Variants in SEZ6 observed in about 807,000 individuals in gnomAD.
The protein encoded by SEZ6 is seizure protein 6 homolog.
SEZ6 carries 53 observed loss-of-function variants against 101.0 expected under a neutral mutation model. That is an observed-to-expected ratio of 0.52 (90% confidence interval 0.42 to 0.66). The LOEUF (loss-of-function observed/expected upper bound fraction) is 0.66. Among genes scored for constraint, SEZ6 ranks in the 30% least tolerant of loss-of-function variants. SEZ6 has a pLI of 0.00. For synonymous variants in SEZ6, 488 were observed against 512.2 expected, an observed-to-expected ratio of 0.95 and a Z score of 0.64; for missense variants, 1,102 against 1,289.4, an observed-to-expected ratio of 0.85 and a Z score of 2.23.
intron 1 of SEZ6, among the ~76,000 whole-genome samples, chr17:28,989,391 G>A (rs998132620): frequency 1.3e-5 from 2 of 152,192 alleles, no homozygotes; most frequent in Non-Finnish European, 2.9e-5. Flanking sequence ...TTTTGTAGAT[G>A]AGGACACTGA....
At chr17:28,970,554 G>T (rs961932408) in intron 3 of SEZ6, among the ~76,000 whole-genome samples, 1 of 152,112 alleles carries the variant, frequency 6.6e-6, no homozygotes, top group African/African-American at 2.4e-5. Context: ...CAGTCATTCA[G>T]TCCTGTCAAC....
Position 29,005,797 on chromosome 17 carries a change from G to T in SEZ6, c.55+18C>A. ...CGCTCCCGCCCCCGTCCTGCCGCCG[G>T]ATGCCGGGGTCCCTTACCGTGAGCC... On this transcript the variant is annotated intron_variant, in intron 1 of 16. Coordinates refer to ENST00000317338, the MANE Select transcript of SEZ6 (RefSeq NM_178860.5). The surrounding 1 kb of genome is among the most constrained non-coding windows in gnomAD (Gnocchi z 4.8). 1 of 1,482,460 alleles carries T rather than the reference G, an allele frequency of 6.7e-7. No individual in the cohort carries two copies. The allele number at this position is 1,482,460 out of a possible 1,614,324, so 91.8% of individuals were successfully genotyped here. A position where few individuals can be genotyped will look rare whatever the true frequency, so the allele number is the denominator to read the frequency against.
intron 1 of SEZ6, among the ~76,000 whole-genome samples, chr17:28,993,006 C>A: frequency 6.6e-6 from 1 of 152,088 alleles, no homozygotes; most frequent in African/African-American, 2.4e-5. Flanking sequence ...GGGCAGGTGG[C>A]ACTGGAGCTG....
chr17:28,970,040 C>T (rs1052119176), intron 3 of SEZ6, 88 bp from the exon 4 acceptor site: 44 of 1,253,068 alleles, frequency 3.5e-5, no homozygotes, highest in South Asian at 8.0e-5. Context: ...CTGCAGGCCC[C>T]GGGCAGATCA....
chr17:28,960,450 G>A (rs1385330384), intron 7 of SEZ6, 55 bp downstream of exon 7: 2 of 1,550,414 alleles, frequency 1.3e-6, no homozygotes, highest in African/African-American at 1.4e-5. Flanking sequence ...AAGACCCTAG[G>A]CCCGAGCCCA....
chr17:28,983,013 C>G (rs1257510827), intron 1 of SEZ6, among the ~76,000 whole-genome samples: 1 of 152,210 alleles, frequency 6.6e-6, no homozygotes, highest in Non-Finnish European at 1.5e-5. Flanking sequence ...TCTCTCCGTT[C>G]TCAGGAAATC....
intron 4 of SEZ6, among the ~76,000 whole-genome samples, chr17:28,967,271 T>C (rs914277551): frequency 6.6e-6 from 1 of 152,190 alleles, no homozygotes; most frequent in African/African-American, 2.4e-5. Context: ...TACAATATGC[T>C]TGGGAGAAAG....
chr17:28,965,380 A>G (rs955647749), intron 4 of SEZ6, among the ~76,000 whole-genome samples: 2 of 151,912 alleles, frequency 1.3e-5, no homozygotes, highest in African/African-American at 4.8e-5. Context: ...AACAAACAAA[A>G]TCCAGAATGG....
At chr17:28,975,554 T>C (rs965766564) in intron 3 of SEZ6, among the ~76,000 whole-genome samples, 49 of 152,146 alleles carry the variant, frequency 3.2e-4, no homozygotes, top group African/African-American at 1.2e-3. Flanking sequence ...TGGGGTAAGA[T>C]CTGTTTTAGG....
chr17:28,956,965 T>C lies in SEZ6; in HGVS notation c.2692+80A>G. ...CATGAAGGTGGCATGGGCAGGTGGT[T>C]CTGGTTCTAAACATTGGACATCTTT... On this transcript the variant is annotated intron_variant, in intron 13 of 16. Coordinates refer to ENST00000317338, the MANE Select transcript of SEZ6 (RefSeq NM_178860.5). The C allele has an allele frequency of 2.1e-6, 3 of 1,455,746 alleles. No homozygotes were observed. The South Asian group carries it at 4.1e-5, about 20-fold the overall frequency. The allele number at this position is 1,455,746 out of a possible 1,614,324, so 90.2% of individuals were successfully genotyped here. A position where few individuals can be genotyped will look rare whatever the true frequency, so the allele number is the denominator to read the frequency against.
At chr17:28,969,367 G>A (rs184113627) in intron 4 of SEZ6, among the ~76,000 whole-genome samples, 208 of 152,266 alleles carry the variant, frequency 1.4e-3, no homozygotes, top group African/African-American at 4.8e-3. Flanking sequence ...TTAAGTGTCT[G>A]CCTCCTCCTG....
intron 13 of SEZ6, 78 bp from the exon 14 acceptor site, chr17:28,956,835 G>A: frequency 6.7e-7 from 1 of 1,501,940 alleles, no homozygotes; most frequent in Non-Finnish European, 9.1e-7. Flanking sequence ...AGGAGGTAGT[G>A]GGATGATCAT....
Position 28,959,946 on chromosome 17 carries a change from G to T in SEZ6, c.1577-54C>A. 1 of 1,539,922 alleles carries T rather than the reference G, an allele frequency of 6.5e-7. No homozygotes were observed. ...AGCCTTGACTGGTATTAAACACAGT[G>T]GGCAAGCATCCCCCTACTTCCCTCC... is the stretch of plus-strand genomic sequence containing the variant. On this transcript the variant is annotated intron_variant, in intron 7 of 16. Coordinates refer to ENST00000317338, the MANE Select transcript of SEZ6 (RefSeq NM_178860.5). The surrounding 1 kb of genome is among the most constrained non-coding windows in gnomAD (Gnocchi z 4.4).
At chr17:28,997,146 C>T (rs2041553798) in intron 1 of SEZ6, among the ~76,000 whole-genome samples, 1 of 152,044 alleles carries the variant, frequency 6.6e-6, no homozygotes, top group Non-Finnish European at 1.5e-5. Flanking sequence ...GGGGCTCTGC[C>T]AGGAGATGCG....
At position 28,957,160 on chromosome 17, in the gene SEZ6, C is replaced by A; in HGVS notation, c.2577G>T (p.Gly859=). The change falls in exon 13 of 17, where the codon GGG becomes GGT. Residue 859 remains glycine, a synonymous_variant. Transcript: ENST00000317338. ...RSPEKQLHPA[G]ATIHFSCAPG... ...GGGCACACGAGAAGTGGATGGTGGCCCCTGCTGGGTGTAGCTGCTTCTCAG... is the reference window on the plus strand; with the variant it reads ...GGGCACACGAGAAGTGGATGGTGGCACCTGCTGGGTGTAGCTGCTTCTCAG... 2 of 1,613,928 alleles carry A rather than the reference C, an allele frequency of 1.2e-6. No homozygotes were observed. The highest frequency in any genetic ancestry group is 1.7e-6 in the Non-Finnish European group (2 of 1,179,834).
At position 28,971,605 on chromosome 17, in the gene SEZ6, A is replaced by T. The variant is rs562600891; in HGVS notation, c.859-1653T>A. Among the ~76,000 whole-genome samples, 8 of 152,282 alleles carry T rather than the reference A, an allele frequency of 5.3e-5. No individual in the cohort carries two copies. The South Asian group carries it at 1.7e-3, about 32-fold the overall frequency. ...CGAAACTCCATTTCAAAACAAAAAA[A>T]AAAAGGAAATACAGAATCTCAGACC... On this transcript the variant is annotated intron_variant, in intron 3 of 16. Coordinates refer to ENST00000317338, the MANE Select transcript of SEZ6 (RefSeq NM_178860.5).
chr17:28,959,018 A>G lies in SEZ6; in HGVS notation c.2107+7T>C. On this transcript the variant is annotated splice_region_variant and intron_variant, in intron 10 of 16. Coordinates refer to ENST00000317338, the MANE Select transcript of SEZ6 (RefSeq NM_178860.5). This position sits in a 1 kb window ranked among gnomAD's most constrained non-coding sequence, Gnocchi z 4.4. ...CTGCACTCTGAGTGGGGTAGGGACA[A>G]GCTCACCAAAGAAGTGGATGACGAA... 1 of 1,607,882 alleles carries G rather than the reference A, an allele frequency of 6.2e-7. No homozygotes were observed. Among genetic ancestry groups the G allele is most frequent in the Non-Finnish European group, 8.5e-7 (1 of 1,176,276 alleles).
intron 1 of SEZ6, 56 bp from the exon 2 acceptor site, chr17:28,982,095 C>T (rs1221848612): frequency 1.5e-5 from 22 of 1,503,256 alleles, no homozygotes; most frequent in East Asian, 2.3e-5. Context: ...AGCAGCATCA[C>T]GCCCAACTCG....
At chr17:28,972,732 G>A (rs761277791) in intron 3 of SEZ6, among the ~76,000 whole-genome samples, 1 of 152,218 alleles carries the variant, frequency 6.6e-6, no homozygotes. Context: ...ACTCACACAC[G>A]TGGAATCTGT....
Sources: allele counts gnomAD v4.1 joint callset (sites outside exome capture counted in the v4.1 genomes callset), GRCh38; gene constraint gnomAD v4.1.1; non-coding constraint Gnocchi (gnomAD v3.1); transcripts MANE v1.5; gene names NCBI Gene and HGNC (gene_info 2026-07-23, HGNC 2026-07-21).